Variants in POMGNT1 observed in about 807,000 individuals in gnomAD.
The protein encoded by POMGNT1 is protein O-linked-mannose beta-1,2-N-acetylglucosaminyltransferase 1.
POMGNT1 carries 67 observed loss-of-function variants against 95.6 expected under a neutral mutation model. That is an observed-to-expected ratio of 0.70 (90% CI 0.58 to 0.86). POMGNT1 has a LOEUF of 0.86. Among genes scored for constraint, POMGNT1 ranks in the 40% least tolerant of loss-of-function variants. The pLI is 0.00. For synonymous variants in POMGNT1, 298 were observed against 317.9 expected (o/e 0.94, Z 0.66); for missense variants, 719 against 855.2 (o/e 0.84, Z 1.99).
At chr1:46,194,702 G>A (rs1174599322) in intron 7 of POMGNT1, 51 bp from the exon 8 acceptor site, 1 of 1,614,088 alleles carries the variant, frequency 6.2e-7, no homozygotes, top group Non-Finnish European at 8.5e-7. Context: ...CCAGTTTGGG[G>A]GCTTTTTCCC....
At chr1:46,190,941 C>A (rs1657718325) in intron 17 of POMGNT1, 157 bp from the exon 18 acceptor site, 2 of 720,316 alleles carry the variant, frequency 2.8e-6, no homozygotes, top group African/African-American at 1.8e-5. Context: ...TTTGCAGCAT[C>A]CTCAGCAAGC....
chr1:46,197,074 A>T lies in POMGNT1; in HGVS notation c.131T>A (p.Val44Glu), dbSNP rs759712139. 6.2e-7 allele frequency: 1 copy of T among 1,614,174 alleles called. No individual in the cohort carries two copies. The highest frequency in any genetic ancestry group is 8.5e-7 in the Non-Finnish European group (1 of 1,179,998). ...AATGACAGTCACCAGCAGGAAAAGC[A>T]CGGCCCCTGTCTGAGGGGAGGGGTA... ...ALRRFCQTGAVLFLLVTVIVN... is the reference protein window; with the variant it reads ...ALRRFCQTGAELFLLVTVIVN... Residue 44 changes from valine (V) to glutamate (E), a missense_variant, in exon 3 of 22, where the codon GTG becomes GAG. Physicochemically the swap from Val to Glu is moderately radical, Grantham distance 121. Coordinates refer to ENST00000371984, the MANE Select transcript of POMGNT1 (RefSeq NM_017739.4).
rs552045780 is a variant in POMGNT1, at chr1:46,206,209, G to A, written c.-50-8338C>T. ...CAAGTCTTGGCTCTGCTTCTGAAAC[G>A]TTTTGTGGTCTTGAGCAGCACTCTG... On this transcript the variant is annotated intron_variant, in intron 1 of 22. Coordinates refer to the POMGNT1 transcript ENST00000371992. 5.9e-5 allele frequency among the ~76,000 whole-genome samples: 9 copies of A among 152,340 alleles called. No homozygotes were observed. In the South Asian group the frequency reaches 1.0e-3, roughly 18 times the overall value.
Position 46,192,117 on chromosome 1 carries a change from T to C in POMGNT1, c.1520A>G (p.Asn507Ser), listed in dbSNP as rs1171833959. 1.2e-6 allele frequency: 2 copies of C among 1,614,002 alleles called. No individual in the cohort carries two copies. The highest frequency in any genetic ancestry group is 1.7e-6 in the Non-Finnish European group (2 of 1,179,958). Residue 507 changes from asparagine (N) to serine (S), a missense_variant, in exon 17 of 22, where the codon AAC becomes AGC. Around this residue, in one of 5 missense-constraint regions of POMGNT1, gnomAD observed 118 missense variants for 153.6 expected, o/e 0.77. Transcript: ENST00000371984. Reference sequence around the variant, plus strand: ...ACTCACGTGAAAGTAGCCATTCATGTTGAGGCCGACGATGCCAAAGTGGTA... The same window carrying C: ...ACTCACGTGAAAGTAGCCATTCATGCTGAGGCCGACGATGCCAAAGTGGTA... Reference protein sequence around the residue: ...RSYHFGIVGLNMNGYFHEAYF... With the variant: ...RSYHFGIVGLSMNGYFHEAYF...
intron 1 of POMGNT1, among the ~76,000 whole-genome samples, chr1:46,209,891 G>A (rs1180487972): frequency 6.6e-6 from 1 of 152,154 alleles, no homozygotes; most frequent in Non-Finnish European, 1.5e-5. Context: ...GGGGAAAACA[G>A]CAGGACAAGT....
At chr1:46,206,565 T>C (rs1357072363) in intron 1 of POMGNT1, among the ~76,000 whole-genome samples, 1 of 152,192 alleles carries the variant, frequency 6.6e-6, no homozygotes, top group Non-Finnish European at 1.5e-5. Flanking sequence ...TATCCTATAC[T>C]CTATTTTCTT....
upstream of POMGNT1, among the ~76,000 whole-genome samples, chr1:46,200,036 G>A (rs1238121692): frequency 1.3e-5 from 2 of 152,108 alleles, no homozygotes; most frequent in East Asian, 3.9e-4. Flanking sequence ...TGGGCGTGGT[G>A]ACAGGCGCCT....
chr1:46,190,887 A>G, intron 17 of POMGNT1, 103 bp from the exon 18 acceptor site: 1 of 1,085,236 alleles, frequency 9.2e-7, no homozygotes, highest in African/African-American at 1.5e-5. Context: ...GAAGTCCTAG[A>G]CCTGTAAAGA....
rs747530937 is a variant in POMGNT1, at chr1:46,189,224, C to G, written c.*46G>C. 6.3e-7 allele frequency: 1 copy of G among 1,584,262 alleles called. No individual in the cohort carries two copies. The highest frequency in any genetic ancestry group is 1.9e-5 in the Admixed American group (1 of 53,644). Reference sequence around the variant, plus strand: ...CAGGATGGAGGGAAGGGCTAGCCAGCCTGGGGGTACACAGTACCCAGCCCC... The same window carrying G: ...CAGGATGGAGGGAAGGGCTAGCCAGGCTGGGGGTACACAGTACCCAGCCCC... On this transcript the variant is annotated 3_prime_UTR_variant, in exon 22 of 22. Coordinates refer to ENST00000371984, the MANE Select transcript of POMGNT1 (RefSeq NM_017739.4).
At chr1:46,201,901 C>T (rs1658543977), upstream of POMGNT1, among the ~76,000 whole-genome samples, 1 of 149,706 alleles carries the variant, frequency 6.7e-6, no homozygotes. Flanking sequence ...GCTTGGGAGG[C>T]AGGAGGATTG....
At chr1:46,205,448 A>G (rs747710001) in intron 1 of POMGNT1, among the ~76,000 whole-genome samples, 41 of 152,332 alleles carry the variant, frequency 2.7e-4, no homozygotes, top group Non-Finnish European at 3.7e-4. Flanking sequence ...TTTGTGCCAG[A>G]TAGTCTGAAC....
chr1:46,216,900 C>T (rs1029699422), intron 1 of POMGNT1, among the ~76,000 whole-genome samples: 1 of 152,184 alleles, frequency 6.6e-6, no homozygotes, highest in African/African-American at 2.4e-5. Context: ...ATTTGGTTTT[C>T]TGCTCTTGCA....
Position 46,197,728 on chromosome 1 carries a change from G to T in POMGNT1, c.94C>A (p.Gln32Lys). The T allele has an allele frequency of 2.5e-6, 4 of 1,614,138 alleles. No individual in the cohort carries two copies. The highest frequency in any genetic ancestry group is 3.4e-6 in the Non-Finnish European group (4 of 1,179,998). The change falls in exon 2 of 22, where the codon CAG becomes AAG. Residue 32 changes from glutamine (Q) to lysine (K), a missense_variant. Gln to Lys is a moderately conservative substitution (Grantham distance 53). Around this residue, in one of 5 missense-constraint regions of POMGNT1, gnomAD observed 466 missense variants for 517.4 expected, o/e 0.90. Coordinates refer to ENST00000371984, the MANE Select transcript of POMGNT1 (RefSeq NM_017739.4). The part of the protein sequence containing the change: ...YLTWKYKLTN[Q>K]RALRRFCQTG... Reference sequence around the variant, plus strand: ...TGACAGAATCTCCGCAGGGCCCGCTGGTTTGTCAGTTTATACTTCCAGGTA... The same window carrying T: ...TGACAGAATCTCCGCAGGGCCCGCTTGTTTGTCAGTTTATACTTCCAGGTA...
intron 1 of POMGNT1, among the ~76,000 whole-genome samples, chr1:46,216,943 A>G (rs1426968975): frequency 6.6e-6 from 1 of 152,218 alleles, no homozygotes; most frequent in African/African-American, 2.4e-5. Flanking sequence ...CTCCAGTTGC[A>G]TACATGTTGC....
In POMGNT1 at chr1:46,190,763, T is replaced by C. The variant is rs764394085; in HGVS notation, c.1561A>G (p.Lys521Glu). ...YFHEAYFKKH[K>E]FNTVPGVQLR... ...TGGACACCTGGAACCGTGTTGAACT[T>C]GTGCTTCTTGAAGTAGGCCTCCTGG... The change falls in exon 18 of 22, where the codon AAG becomes GAG. Residue 521 changes from lysine to glutamate, a missense_variant. This residue lies in a region of POMGNT1 where 118 missense variants were observed against 153.6 expected (regional missense o/e 0.77). Transcript: ENST00000371984. The C allele has an allele frequency of 1.2e-5, 20 of 1,613,822 alleles. No homozygotes were observed. The highest frequency in any genetic ancestry group is 1.6e-4 in the Middle Eastern group (1 of 6,070).
At position 46,192,568 on chromosome 1, in the gene POMGNT1, G is replaced by C; in HGVS notation, c.1234C>G (p.Leu412Val). 6.2e-7 allele frequency: 1 copy of C among 1,614,128 alleles called. No homozygotes were observed. Among genetic ancestry groups the C allele is most frequent in the Non-Finnish European group, 8.5e-7 (1 of 1,180,030 alleles). The change falls in exon 15 of 22, where the codon CTA becomes GTA. Residue 412 changes from leucine (L) to valine (V), a missense_variant. By Grantham distance (32) the Leu-to-Val change is conservative. Transcript: ENST00000371984. ...FFSFLSQSIHLLEEDDSLYCI... is the reference protein window; with the variant it reads ...FFSFLSQSIHVLEEDDSLYCI... Reference sequence around the variant, plus strand: ...TACAGGCTGTCATCCTCCTCCAGTAGGTGGATGGATTGGCTCAGGAAACTG... The same window carrying C: ...TACAGGCTGTCATCCTCCTCCAGTACGTGGATGGATTGGCTCAGGAAACTG...
chr1:46,192,627 A>C (rs1305005114), intron 14 of POMGNT1, 37 bp from the exon 15 acceptor site: 1 of 1,611,802 alleles, frequency 6.2e-7, no homozygotes, highest in South Asian at 1.1e-5. Flanking sequence ...AGGGAGGGAC[A>C]AGGATAAATC....
chr1:46,194,368 T>A lies in POMGNT1; in HGVS notation c.785A>T (p.Asn262Ile), dbSNP rs967977058. The A allele has an allele frequency of 1.9e-6, 3 of 1,614,048 alleles. No homozygotes were observed. Among genetic ancestry groups the A allele is most frequent in the Non-Finnish European group, 1.7e-6 (2 of 1,180,032 alleles). The change falls in exon 9 of 22, where the codon AAC (asparagine) becomes ATC (isoleucine). Residue 262 changes from asparagine (N) to isoleucine (I), a missense_variant. By Grantham distance (149) the Asn-to-Ile change is moderately radical. Around this residue, in one of 5 missense-constraint regions of POMGNT1, gnomAD observed 466 missense variants for 517.4 expected, o/e 0.90. Transcript: ENST00000371984. The stretch of plus-strand genomic sequence containing the variant: ...GCTGCAGAAGCGCCGGCGGCGACGG[T>A]TCAGCTCTGTGTCTGCCCAGTGGCA... ...AECHWADTEL[N>I]RRRRRFCSKV...
chr1:46,203,149 G>T (rs1366100366), upstream of POMGNT1, among the ~76,000 whole-genome samples: 1 of 152,126 alleles, frequency 6.6e-6, no homozygotes, highest in Non-Finnish European at 1.5e-5. Flanking sequence ...CCAGGGTGGG[G>T]CGAAGGCGCT....
Sources: allele counts gnomAD v4.1 joint callset (sites outside exome capture counted in the v4.1 genomes callset), GRCh38; gene constraint gnomAD v4.1.1; regional missense constraint gnomAD v4.1.1; transcripts MANE v1.5; gene names NCBI Gene and HGNC (gene_info 2026-07-23, HGNC 2026-07-21).